Variants in CLIC5 observed in about 807,000 individuals in gnomAD.
CLIC5 encodes CLIC family member 5.
CLIC5 carries 20 observed loss-of-function variants against 24.7 expected under a neutral mutation model. The ratio of observed to expected loss-of-function variants is 0.81; its 90% CI spans 0.57 to 1.18. The LOEUF is 1.18. Among genes scored for constraint, CLIC5 ranks in the 50% most tolerant of loss-of-function variants. CLIC5 has a pLI of 0.00. For missense variants in CLIC5, 341 were observed against 326.1 expected (o/e 1.05, Z -0.35); for synonymous variants, 159 against 135.6 (o/e 1.17, Z -1.20).
chr6:46,057,557 C>T (rs1768294330), intron 1 of CLIC5, among the ~76,000 whole-genome samples: 2 of 152,190 alleles, frequency 1.3e-5, no homozygotes, highest in Non-Finnish European at 2.9e-5. Flanking sequence ...GGCAAATGTA[C>T]TTAAGTCTAT....
At chr6:46,095,160 G>T in the CLIC5 span, among the ~76,000 whole-genome samples, 1 of 151,310 alleles carries the variant, frequency 6.6e-6, no homozygotes, top group East Asian at 1.9e-4. Flanking sequence ...CCCTGGGCCT[G>T]GCCCAGGAAA....
At chr6:45,970,507 G>A (rs1765164965) in intron 1 of CLIC5, among the ~76,000 whole-genome samples, 1 of 152,130 alleles carries the variant, frequency 6.6e-6, no homozygotes, top group African/African-American at 2.4e-5. Context: ...GAGTAAGGCA[G>A]GAAATGTTCT....
intron 1 of CLIC5, among the ~76,000 whole-genome samples, chr6:45,958,344 G>A (rs780707511): frequency 1.1e-4 from 17 of 150,052 alleles, no homozygotes; most frequent in South Asian, 8.5e-4. Context: ...GAGAGAATCC[G>A]TTTCTGCTGC....
chr6:46,106,513 A>T, the CLIC5 span, among the ~76,000 whole-genome samples: 1 of 152,200 alleles, frequency 6.6e-6, no homozygotes. Flanking sequence ...TTTGGGGCCC[A>T]ATTTGTTAAT....
chr6:46,083,792 T>C (rs952353827), upstream of CLIC5, among the ~76,000 whole-genome samples: 37 of 151,964 alleles, frequency 2.4e-4, no homozygotes, highest in African/African-American at 7.2e-4. Flanking sequence ...CTATTAGGTC[T>C]GCTTGGTGCA....
upstream of CLIC5, among the ~76,000 whole-genome samples, chr6:46,083,161 G>T (rs942744202): frequency 6.6e-6 from 1 of 152,176 alleles, no homozygotes; most frequent in African/African-American, 2.4e-5. Context: ...TTAAATATTT[G>T]TTGGATAAAT....
intron 1 of CLIC5, among the ~76,000 whole-genome samples, chr6:46,010,638 G>C (rs1581859347): frequency 6.6e-6 from 1 of 152,276 alleles, no homozygotes; most frequent in Non-Finnish European, 1.5e-5. Context: ...CAGGGATGCA[G>C]GAGCTCTCAA....
chr6:45,930,406 C>T (rs988318028), intron 4 of CLIC5, among the ~76,000 whole-genome samples: 7 of 152,116 alleles, frequency 4.6e-5, no homozygotes, highest in East Asian at 3.9e-4. Context: ...ATGGTAGATC[C>T]GTCAGGCCTG....
chr6:45,996,644 A>T (rs1164542341), intron 1 of CLIC5, among the ~76,000 whole-genome samples: 2 of 152,206 alleles, frequency 1.3e-5, no homozygotes, highest in East Asian at 3.8e-4. Flanking sequence ...AATGAACTCA[A>T]ACAAATTTAC....
At position 45,914,967 on chromosome 6, in the gene CLIC5, G is replaced by A. The variant is rs943448962; in HGVS notation, c.407-558C>T. ...TATTTTTGAGACAGAGTCTCACTCT[G>A]TCACTAAGCTGGAGTGCAGTGGCGT... On this transcript the variant is annotated intron_variant, in intron 4 of 5. Transcript: ENST00000339561. Among the ~76,000 whole-genome samples the A allele has an allele frequency of 2.0e-5, 3 of 151,900 alleles. No individual in the cohort carries two copies. The South Asian group carries it at 6.3e-4, about 32-fold the overall frequency.
At chr6:46,121,306 C>T in the CLIC5 span, among the ~76,000 whole-genome samples, 1 of 152,138 alleles carries the variant, frequency 6.6e-6, no homozygotes, top group Non-Finnish European at 1.5e-5. Flanking sequence ...AATTTTCAAC[C>T]CAGAATTTCA....
chr6:46,016,718 C>G (rs531863226), upstream of CLIC5, among the ~76,000 whole-genome samples: 1 of 152,190 alleles, frequency 6.6e-6, no homozygotes, highest in Non-Finnish European at 1.5e-5. Context: ...ATGTTAGCCA[C>G]AGCCCTAGAA....
chr6:46,123,676 A>C, the CLIC5 span, among the ~76,000 whole-genome samples: 1 of 152,234 alleles, frequency 6.6e-6, no homozygotes, highest in Non-Finnish European at 1.5e-5. Flanking sequence ...TTGTATATCT[A>C]GAAAACCCCA....
the CLIC5 span, among the ~76,000 whole-genome samples, chr6:46,122,476 C>G: frequency 3.6e-4 from 55 of 152,208 alleles, no homozygotes; most frequent in African/African-American, 1.3e-3. Context: ...CAACAGAAAG[C>G]AGGAAAGACA....
chr6:46,041,299 T>C (rs1207104828), intron 1 of CLIC5, among the ~76,000 whole-genome samples: 9 of 152,368 alleles, frequency 5.9e-5, no homozygotes, highest in Non-Finnish European at 1.5e-5. Flanking sequence ...TGCTATACCT[T>C]GCATTGCATG....
chr6:45,919,711 C>T (rs922391518), intron 4 of CLIC5, among the ~76,000 whole-genome samples: 3 of 152,106 alleles, frequency 2.0e-5, no homozygotes, highest in African/African-American at 7.2e-5. Flanking sequence ...TTTAGAACAT[C>T]TTAGACAATA....
upstream of CLIC5, among the ~76,000 whole-genome samples, chr6:46,081,758 T>C (rs1762923178): frequency 6.6e-6 from 1 of 152,200 alleles, no homozygotes; most frequent in Admixed American, 6.5e-5. Flanking sequence ...ACCTAGAAAG[T>C]GGAAGTGAAT....
intron 1 of CLIC5, among the ~76,000 whole-genome samples, chr6:45,956,725 G>A (rs1764657204): frequency 1.3e-5 from 2 of 152,164 alleles, no homozygotes; most frequent in African/African-American, 4.8e-5. Context: ...TGAAATTACA[G>A]TTATTTTACC....
chr6:45,939,601 C>A (rs1030666625), intron 4 of CLIC5, among the ~76,000 whole-genome samples: 10 of 152,122 alleles, frequency 6.6e-5, no homozygotes, highest in Non-Finnish European at 2.9e-5. Flanking sequence ...GACCCTATTT[C>A]CAAATGAGGT....
Sources: gnomAD v4.1 joint callset for allele counts (sites outside exome capture counted in the v4.1 genomes callset) on GRCh38, gnomAD v4.1.1 for gene constraint, MANE v1.5 for transcripts, NCBI Gene and HGNC (gene_info 2026-07-23, HGNC 2026-07-21) for gene names.